Variants in RNF169 observed in about 807,000 individuals in gnomAD.
RNF169 encodes the protein ring finger protein 169.
A neutral mutation model predicts 53.9 loss-of-function variants in RNF169; 24 were observed. The observed-to-expected ratio is 0.45, with a 90% confidence interval of 0.32 to 0.63. RNF169 has a LOEUF of 0.63. Among genes scored for constraint, RNF169 ranks in the 20% least tolerant of loss-of-function variants. The pLI, the probability that RNF169 is intolerant of heterozygous loss-of-function variation, is 0.04. For missense variants in RNF169, 883 were observed against 906.2 expected (o/e 0.97, Z 0.33); for synonymous variants, 396 against 363.5 (o/e 1.09, Z -1.02).
At chr11:74,788,325 G>A (rs899029097) in intron 1 of RNF169, among the ~76,000 whole-genome samples, 2 of 141,412 alleles carry the variant, frequency 1.4e-5, no homozygotes, top group Non-Finnish European at 3.1e-5. Context: ...ACACACACAC[G>A]ACCACATTAA....
At chr11:74,784,317 A>T (rs2035457503) in intron 1 of RNF169, among the ~76,000 whole-genome samples, 2 of 152,180 alleles carry the variant, frequency 1.3e-5, no homozygotes, top group South Asian at 4.1e-4. Context: ...AGTTCATGAC[A>T]TGTGTTGTAT....
chr11:74,757,155 A>C (rs1591385343), intron 1 of RNF169, among the ~76,000 whole-genome samples: 1 of 83,670 alleles, frequency 1.2e-5, no homozygotes, highest in African/African-American at 5.2e-5. Flanking sequence ...CCCTCCCCCC[A>C]CCCCACCACA....
chr11:74,749,481 G>C, intron 1 of RNF169, 99 bp downstream of exon 1: 1 of 1,017,336 alleles, frequency 9.8e-7, no homozygotes, highest in Non-Finnish European at 1.2e-6. Flanking sequence ...CTACTCGGGC[G>C]GGTGTGGAGA....
chr11:74,770,955 GC>G (rs1046552349), intron 1 of RNF169, among the ~76,000 whole-genome samples: 1 of 152,002 alleles, frequency 6.6e-6, no homozygotes, highest in Non-Finnish European at 1.5e-5. Context: ...ACAGGCCAGT[GC>G]CCCCATGTCT....
chr11:74,780,758 A>G (rs1405965107), intron 1 of RNF169, among the ~76,000 whole-genome samples: 2 of 152,234 alleles, frequency 1.3e-5, no homozygotes, highest in Non-Finnish European at 2.9e-5. Context: ...CTTGATTTAA[A>G]AAAATCTATA....
intron 2 of RNF169, among the ~76,000 whole-genome samples, chr11:74,801,365 C>T (rs2070068627): frequency 1.3e-5 from 2 of 152,270 alleles, no homozygotes; most frequent in South Asian, 4.1e-4. Context: ...ACCAGTCAGA[C>T]CCTATAGAAG....
At chr11:74,814,799 A>C (rs2035921688) in intron 3 of RNF169, among the ~76,000 whole-genome samples, 1 of 152,196 alleles carries the variant, frequency 6.6e-6, no homozygotes, top group African/African-American at 2.4e-5. Context: ...TTGCTATCTT[A>C]AACACCATTG....
chr11:74,823,738 G>GAAAA (rs35164191), intron 4 of RNF169, among the ~76,000 whole-genome samples: 3 of 105,774 alleles, frequency 2.8e-5, no homozygotes, highest in Admixed American at 9.8e-5. Context: ...CCCTGTCTCA[G>GAAAA]AAAAAAAAAA....
rs189719616 is a variant in RNF169, at chr11:74,766,265, C to T, written c.502+16883C>T. ...ATCTCCCCACAAAGCAATACCACCGCGTGGACACAATGAGCAAAATGCAGA... is the reference window on the plus strand; with the variant it reads ...ATCTCCCCACAAAGCAATACCACCGTGTGGACACAATGAGCAAAATGCAGA... On this transcript the variant is annotated intron_variant, in intron 1 of 5. Coordinates refer to ENST00000299563, the MANE Select transcript of RNF169 (RefSeq NM_001098638.2). Among the ~76,000 whole-genome samples the T allele has an allele frequency of 1.5e-4, 23 of 152,200 alleles. No individual in the cohort carries two copies. In the East Asian group the frequency reaches 3.3e-3, roughly 22 times the overall value.
At chr11:74,771,067 C>G (rs556639071) in intron 1 of RNF169, among the ~76,000 whole-genome samples, 1 of 152,226 alleles carries the variant, frequency 6.6e-6, no homozygotes, top group Non-Finnish European at 1.5e-5. Flanking sequence ...CTCGACCTCT[C>G]AAAGTGCTGG....
intron 2 of RNF169, among the ~76,000 whole-genome samples, chr11:74,792,888 A>G (rs1208263434): frequency 6.6e-6 from 1 of 152,194 alleles, no homozygotes; most frequent in East Asian, 1.9e-4. Context: ...ACTCATCTAT[A>G]TCATTTGGCT....
At chr11:74,807,613 T>C (rs913860662) in intron 2 of RNF169, 7 of 152,170 alleles carry the variant, frequency 4.6e-5, no homozygotes, top group African/African-American at 1.4e-4. Flanking sequence ...ATTAAGACCA[T>C]TGAGTCTTAA....
intron 2 of RNF169, among the ~76,000 whole-genome samples, chr11:74,793,698 A>G (rs1035298064): frequency 2.0e-5 from 3 of 152,164 alleles, no homozygotes; most frequent in Admixed American, 6.5e-5. Flanking sequence ...TGAGGTCACT[A>G]TGAGTTTCTA....
At chr11:74,820,203 G>A (rs908196654) in intron 4 of RNF169, among the ~76,000 whole-genome samples, 1 of 152,142 alleles carries the variant, frequency 6.6e-6, no homozygotes, top group African/African-American at 2.4e-5. Flanking sequence ...TCAGGATTGA[G>A]GAAAAGAAGC....
At chr11:74,750,758 A>C (rs1481449340) in intron 1 of RNF169, among the ~76,000 whole-genome samples, 1 of 145,046 alleles carries the variant, frequency 6.9e-6, no homozygotes, top group Non-Finnish European at 1.5e-5. Flanking sequence ...GGCGCCCACC[A>C]CCACGCCCGG....
chr11:74,754,841 G>A (rs2034957528), intron 1 of RNF169, among the ~76,000 whole-genome samples: 1 of 152,070 alleles, frequency 6.6e-6, no homozygotes, highest in Admixed American at 6.6e-5. Context: ...AACAAAACAC[G>A]AAAATTGAAT....
At chr11:74,758,835 A>G (rs569516040) in intron 1 of RNF169, among the ~76,000 whole-genome samples, 8 of 151,450 alleles carry the variant, frequency 5.3e-5, no homozygotes, top group Admixed American at 2.6e-4. Context: ...GTTTTTTCCA[A>G]TTCTGTGAAG....
intron 2 of RNF169, among the ~76,000 whole-genome samples, chr11:74,798,321 C>A (rs1448202174): frequency 1.3e-5 from 2 of 152,074 alleles, no homozygotes; most frequent in African/African-American, 4.8e-5. Flanking sequence ...AAGAGAATAC[C>A]CACCTGGGAG....
At chr11:74,800,736 T>C (rs987900642) in intron 2 of RNF169, among the ~76,000 whole-genome samples, 1 of 152,208 alleles carries the variant, frequency 6.6e-6, no homozygotes, top group Admixed American at 6.5e-5. Context: ...GTTACTGATA[T>C]GAAACACAAA....
Sources: allele counts gnomAD v4.1 joint callset (sites outside exome capture counted in the v4.1 genomes callset), GRCh38; gene constraint gnomAD v4.1.1; transcripts MANE v1.5; gene names NCBI Gene and HGNC (gene_info 2026-07-23, HGNC 2026-07-21).